The following PAN3 variants were observed in gnomAD, a reference collection of about 807,000 sequenced individuals.
PAN3 encodes PAN2-PAN3 deadenylation complex subunit PAN3.
Under a neutral mutation model 96.2 loss-of-function variants are expected in PAN3, and 19 were observed. The observed-to-expected ratio is 0.20, with a 90% confidence interval of 0.14 to 0.29. The LOEUF is 0.29. Among genes scored for constraint, PAN3 ranks in the 10% least tolerant of loss-of-function variants. The pLI, the probability that PAN3 is intolerant of heterozygous loss-of-function variation, is 1.00. For missense variants in PAN3, 882 were observed against 1,108.1 expected (o/e 0.80, Z 2.90); for synonymous variants, 433 against 406.6 (o/e 1.06, Z -0.78).
chr13:28,240,992 G>A (rs917403514), intron 6 of PAN3, among the ~76,000 whole-genome samples: 1 of 152,132 alleles, frequency 6.6e-6, no homozygotes, highest in African/African-American at 2.4e-5. Flanking sequence ...GGATGTGGTG[G>A]CCCATGCCTG....
At chr13:28,274,692 A>G (rs886402669) in intron 14 of PAN3, among the ~76,000 whole-genome samples, 2 of 152,210 alleles carry the variant, frequency 1.3e-5, no homozygotes, top group Non-Finnish European at 2.9e-5. Context: ...CATTCATAAA[A>G]TCAGGCAACC....
intron 6 of PAN3, among the ~76,000 whole-genome samples, chr13:28,237,632 T>C (rs1340329578): frequency 6.6e-6 from 1 of 152,216 alleles, no homozygotes; most frequent in Non-Finnish European, 1.5e-5. Flanking sequence ...TCAGTGAGAA[T>C]AACAAGGCTA....
intron 5 of PAN3, among the ~76,000 whole-genome samples, chr13:28,208,696 T>TACC (rs934508701): frequency 1.3e-5 from 2 of 152,206 alleles, no homozygotes; most frequent in Admixed American, 1.3e-4. Flanking sequence ...TGATTAGGGA[T>TACC]ACCTAGTTTG....
intron 1 of PAN3, 65 bp from the exon 2 acceptor site, chr13:28,174,205 CAG>C (rs1874656516): frequency 2.7e-6 from 4 of 1,487,858 alleles, no homozygotes; most frequent in Non-Finnish European, 3.7e-6. Context: ...TTTAGGAACA[CAG>C]AAGTGAAATC....
chr13:28,266,923 A>G, intron 10 of PAN3, 47 bp downstream of exon 10: 3 of 1,442,572 alleles, frequency 2.1e-6, no homozygotes, highest in Non-Finnish European at 2.8e-6. Context: ...CATTGAGGCT[A>G]AGATTATTCA....
intron 4 of PAN3, among the ~76,000 whole-genome samples, chr13:28,185,480 A>C (rs1876335430): frequency 6.6e-6 from 1 of 152,128 alleles, no homozygotes; most frequent in Non-Finnish European, 1.5e-5. Context: ...TTTAATTGGC[A>C]CTTTGTGTGC....
intron 8 of PAN3, 138 bp from the exon 9 acceptor site, chr13:28,261,263 G>C: frequency 2.0e-6 from 1 of 497,588 alleles, no homozygotes; most frequent in Non-Finnish European, 3.5e-6. Context: ...GTTTAGAAAT[G>C]TTTTAATATT....
chr13:28,220,784 T>G (rs562734554), intron 6 of PAN3, among the ~76,000 whole-genome samples: 1 of 152,266 alleles, frequency 6.6e-6, no homozygotes, highest in East Asian at 1.9e-4. Context: ...AAAAATAATT[T>G]AATCATTCTA....
chr13:28,244,172 G>C (rs2138517242), intron 6 of PAN3, among the ~76,000 whole-genome samples: 2 of 152,294 alleles, frequency 1.3e-5, no homozygotes, highest in Non-Finnish European at 2.9e-5. Context: ...AGGTTAAGCA[G>C]ACTAGCCCTT....
chr13:28,282,888 A>G (rs1868468119), intron 17 of PAN3, among the ~76,000 whole-genome samples: 1 of 151,604 alleles, frequency 6.6e-6, no homozygotes, highest in Non-Finnish European at 1.5e-5. Context: ...TTGTTTATTT[A>G]TTTATTTATT....
intron 12 of PAN3, among the ~76,000 whole-genome samples, chr13:28,267,749 T>C (rs1886304783): frequency 1.3e-5 from 2 of 152,174 alleles, no homozygotes; most frequent in South Asian, 2.1e-4. Flanking sequence ...TCATGAGACC[T>C]ATTCACTACC....
chr13:28,229,240 C>A (rs1351013469), intron 6 of PAN3, among the ~76,000 whole-genome samples: 2 of 152,198 alleles, frequency 1.3e-5, no homozygotes, highest in African/African-American at 4.8e-5. Flanking sequence ...TCATTTGCAT[C>A]TTTTGTAATG....
chr13:28,270,941 GT>G, intron 13 of PAN3, 75 bp downstream of exon 13: 2 of 1,354,482 alleles, frequency 1.5e-6, no homozygotes, highest in Non-Finnish European at 2.0e-6. Flanking sequence ...AAACATGATT[GT>G]TTTAATTCTG....
At position 28,168,021 on chromosome 13, in the gene PAN3, C is replaced by T. The variant is rs1051469431; in HGVS notation, c.431-6251C>T. ...CTTTTCTACATACAGGCACTAATGC[C>T]ATTCATGAGGACTCTGTCCTTGTGA... On this transcript the variant is annotated intron_variant, in intron 1 of 18. Coordinates refer to ENST00000380958, the MANE Select transcript of PAN3 (RefSeq NM_175854.8). Among the ~76,000 whole-genome samples the T allele has an allele frequency of 2.6e-5, 4 of 152,168 alleles. 1 individual carries two copies. Among genetic ancestry groups the T allele is most frequent in the African/African-American group, 9.7e-5 (4 of 41,412 alleles).
intron 1 of PAN3, among the ~76,000 whole-genome samples, chr13:28,158,079 CA>C (rs1480328544): frequency 6.6e-6 from 1 of 152,132 alleles, no homozygotes; most frequent in Non-Finnish European, 1.5e-5. Flanking sequence ...ACGGAGTTGA[CA>C]AAAACGAGCA....
Position 28,216,071 on chromosome 13 carries a change from G to GT in PAN3, c.853-4152dup, listed in dbSNP as rs1048926240. On this transcript the variant is annotated intron_variant, in intron 5 of 18. Coordinates refer to ENST00000380958, the MANE Select transcript of PAN3 (RefSeq NM_175854.8). ...ATGTTTTGTGAACTACTTCATTTTT[G>GT]TTTTTTTTCTTTTTTCTTTTGCATG... 1.7e-4 allele frequency among the ~76,000 whole-genome samples: 25 copies of GT among 148,128 alleles called. No homozygotes were observed. In the South Asian group the frequency reaches 2.6e-3, roughly 15 times the overall value.
intron 18 of PAN3, among the ~76,000 whole-genome samples, chr13:28,290,462 A>G (rs1283832809): frequency 1.3e-5 from 2 of 152,182 alleles, no homozygotes; most frequent in East Asian, 1.9e-4. Flanking sequence ...TGCACGGATC[A>G]CCTGAGGTCG....
chr13:28,157,235 T>C (rs982585694), intron 1 of PAN3, among the ~76,000 whole-genome samples: 2 of 152,014 alleles, frequency 1.3e-5, no homozygotes, highest in African/African-American at 4.8e-5. Context: ...TTCAAAATAA[T>C]GAGAGCCATG....
intron 9 of PAN3, among the ~76,000 whole-genome samples, chr13:28,264,989 G>T (rs1188517773): frequency 6.6e-6 from 1 of 152,066 alleles, no homozygotes; most frequent in Non-Finnish European, 1.5e-5. Context: ...GCCTCTTGAG[G>T]GTAAGAACGT....
Sources: gnomAD v4.1 joint callset for allele counts (sites outside exome capture counted in the v4.1 genomes callset) on GRCh38, gnomAD v4.1.1 for gene constraint, MANE v1.5 for transcripts, NCBI Gene and HGNC (gene_info 2026-07-23, HGNC 2026-07-21) for gene names.